The following TNFSF10 variants were observed in gnomAD, a reference collection of about 807,000 sequenced individuals.
TNFSF10 encodes tumor necrosis factor ligand superfamily member 10.
A neutral mutation model predicts 29.5 loss-of-function variants in TNFSF10; 13 were observed. The ratio of observed to expected loss-of-function variants is 0.44; its 90% CI spans 0.29 to 0.70. The LOEUF (loss-of-function observed/expected upper bound fraction) is 0.70, where lower values mean the gene tolerates loss of function less well. Among genes scored for constraint, TNFSF10 ranks in the 30% least tolerant of loss-of-function variants. The probability of loss-of-function intolerance (pLI) is 0.13; values close to 1 mark genes in which losing one functional copy is unlikely to be tolerated. For synonymous variants in TNFSF10, 111 were observed against 112.8 expected (o/e 0.98, Z 0.10); for missense variants, 345 against 330.9 (o/e 1.04, Z -0.33).
intron 1 of TNFSF10, among the ~76,000 whole-genome samples, chr3:172,515,217 G>T (rs1022508715): frequency 6.6e-6 from 1 of 151,942 alleles, no homozygotes; most frequent in African/African-American, 2.4e-5. Flanking sequence ...AAGGATGCAG[G>T]TGTGCTTCAG....
chr3:172,522,370 G>T, intron 1 of TNFSF10: 2 of 1,359,586 alleles, frequency 1.5e-6, no homozygotes, highest in Non-Finnish European at 1.0e-6. Flanking sequence ...ACAGTAACAA[G>T]GCCCTATTTA....
Position 172,523,389 on chromosome 3 carries a change from C to G in TNFSF10, c.-5G>C, listed in dbSNP as rs1713797150. On this transcript the variant is annotated 5_prime_UTR_variant, in exon 1 of 5. Coordinates refer to ENST00000241261, the MANE Select transcript of TNFSF10 (RefSeq NM_003810.4). ...CTGGACCTCCATCATAGCCATGATC[C>G]TGTCAGAGTCTGACTGCTGTAAGTC... 6.2e-7 allele frequency: 1 copy of G among 1,610,186 alleles called. No individual in the cohort carries two copies. The highest frequency in any genetic ancestry group is 1.1e-5 in the South Asian group (1 of 90,856).
At chr3:172,522,445 TA>T in intron 1 of TNFSF10, 1 of 1,485,536 alleles carries the variant, frequency 6.7e-7, no homozygotes. Context: ...AAAGAAATTT[TA>T]TCATTCACCA....
intron 1 of TNFSF10, chr3:172,518,431 C>T (rs1713534833): frequency 1.6e-6 from 2 of 1,289,294 alleles, no homozygotes; most frequent in Non-Finnish European, 2.0e-6. Flanking sequence ...TGTCTGCTGC[C>T]CAGACATTAG....
intron 2 of TNFSF10, among the ~76,000 whole-genome samples, chr3:172,513,839 T>C (rs1713326172): frequency 1.3e-5 from 2 of 152,078 alleles, no homozygotes; most frequent in South Asian, 4.2e-4. Context: ...AAGCAATTTT[T>C]TTTTTTTTTT....
At position 172,514,887 on chromosome 3, in the gene TNFSF10, A is replaced by G; in HGVS notation, c.244T>C (p.Trp82Arg). The change falls in exon 2 of 5, where the codon TGG (tryptophan) becomes CGG (arginine). Residue 82 changes from tryptophan to arginine, a missense_variant. By Grantham distance (101) the Trp-to-Arg change is moderately radical (BLOSUM62 -3). Coordinates refer to ENST00000241261, the MANE Select transcript of TNFSF10 (RefSeq NM_003810.4). ...TTTCTAACGAGCTGACGGAGTTGCCACTTGACTTGCCAGCAGGGGCTGTTC... is the reference window on the plus strand; with the variant it reads ...TTTCTAACGAGCTGACGGAGTTGCCGCTTGACTTGCCAGCAGGGGCTGTTC... ...SMNSPCWQVK[W>R]QLRQLVRKMI... The G allele has an allele frequency of 6.2e-7, 1 of 1,614,216 alleles. No homozygotes were observed. Among genetic ancestry groups the G allele is most frequent in the Non-Finnish European group, 8.5e-7 (1 of 1,180,026 alleles).
At chr3:172,517,067 G>A (rs1179853888) in intron 1 of TNFSF10, among the ~76,000 whole-genome samples, 4 of 152,230 alleles carry the variant, frequency 2.6e-5, no homozygotes, top group East Asian at 3.8e-4. Flanking sequence ...ACAGAAAGGA[G>A]GGAGCGGTAT....
intron 1 of TNFSF10, chr3:172,522,503 C>T: frequency 1.1e-6 from 1 of 950,780 alleles, no homozygotes; most frequent in Non-Finnish European, 1.6e-6. Context: ...AAACCTGCTG[C>T]ACATTGGACT....
At chr3:172,518,292 A>G (rs1035773795) in intron 1 of TNFSF10, 3 of 1,179,086 alleles carry the variant, frequency 2.5e-6, no homozygotes, top group Non-Finnish European at 3.2e-6. Context: ...GTGGATTTCC[A>G]TGGTGACTGC....
At position 172,514,994 on chromosome 3, in the gene TNFSF10, T is replaced by C; in HGVS notation, c.137A>G (p.Gln46Arg). The change falls in exon 2 of 5, where the codon CAG (glutamine) becomes CGG (arginine). Residue 46 changes from glutamine (Q) to arginine (R), a missense_variant. Transcript: ENST00000241261. The stretch of plus-strand genomic sequence containing the variant: ...AATGCCACTTTTGGAGTACTTGTCC[T>C]GCATCTGGGTTGAGATGGAATATAA... ...VYFTNELKQM[Q>R]DKYSKSGIAC... is the part of the protein sequence containing the mutation. The C allele has an allele frequency of 6.2e-7, 1 of 1,614,126 alleles. No homozygotes were observed. Among genetic ancestry groups the C allele is most frequent in the Non-Finnish European group, 8.5e-7 (1 of 1,180,006 alleles).
chr3:172,512,056 GTGTGTA>G (rs1713246865), intron 2 of TNFSF10, among the ~76,000 whole-genome samples: 1 of 152,188 alleles, frequency 6.6e-6, no homozygotes, highest in Admixed American at 6.5e-5. Flanking sequence ...TCATGTGTGT[GTGTGTA>G]TAAGTGCACT....
At position 172,506,267 on chromosome 3, in the gene TNFSF10, T is replaced by G; in HGVS notation, c.*225A>C. 1 of 494,760 alleles carries G rather than the reference T, an allele frequency of 2.0e-6. No homozygotes were observed. 30.6% of individuals were successfully genotyped at this position (494,760 alleles called of 1,614,324 possible). A position where few individuals can be genotyped will look rare whatever the true frequency, so the allele number is the denominator to read the frequency against. Reference sequence around the variant, plus strand: ...TGATATGAGGTAGAGTCCTGAAAGATCTTTCAGCAATTTCATTCTCTTGGG... The same window carrying G: ...TGATATGAGGTAGAGTCCTGAAAGAGCTTTCAGCAATTTCATTCTCTTGGG... On this transcript the variant is annotated 3_prime_UTR_variant, in exon 5 of 5. Coordinates refer to ENST00000241261, the MANE Select transcript of TNFSF10 (RefSeq NM_003810.4).
Position 172,506,810 on chromosome 3 carries a change from G to A in TNFSF10, c.528C>T (p.Ile176=), listed in dbSNP as rs758453946. 6.2e-7 allele frequency: 1 copy of A among 1,614,042 alleles called. No individual in the cohort carries two copies. Among genetic ancestry groups the A allele is most frequent in the South Asian group, 1.1e-5 (1 of 91,080 alleles). The part of the protein sequence containing the change: ...NLHLRNGELV[I]HEKGFYYIYS... ...AGATGTAGTAAAACCCTTTTTCATG[G>A]ATGACCAGTTCACCATTCCTCAAGT... is the stretch of plus-strand genomic sequence containing the variant. Residue 176 remains isoleucine, a synonymous_variant, in exon 5 of 5, where the codon ATC becomes ATT. Transcript: ENST00000241261.
intron 1 of TNFSF10, chr3:172,522,535 G>A (rs545604618): frequency 5.3e-5 from 33 of 622,714 alleles, no homozygotes; most frequent in South Asian, 4.8e-4. Context: ...CTGAACCAAC[G>A]GTAATTGAGG....
intron 1 of TNFSF10, among the ~76,000 whole-genome samples, chr3:172,515,614 C>T (rs1245084188): frequency 6.6e-6 from 1 of 152,156 alleles, no homozygotes; most frequent in Non-Finnish European, 1.5e-5. Context: ...TAAATGTTTA[C>T]ACTAACTAGG....
chr3:172,511,824 G>A lies in TNFSF10; in HGVS notation c.271-165C>T, dbSNP rs55762319. Among the ~76,000 whole-genome samples the A allele has an allele frequency of 2.7e-3, 406 of 152,308 alleles. 3 individuals carry two copies. The highest frequency in any genetic ancestry group is 0.01 in the Middle Eastern group (3 of 294). On this transcript the variant is annotated intron_variant, in intron 2 of 4. Transcript: ENST00000241261. ...GCATAGGGTCTGTAAGGGGTGGGGT[G>A]GGAGCTGGGATAAATATTGAGATAG...
intron 3 of TNFSF10, among the ~76,000 whole-genome samples, chr3:172,509,851 C>A (rs1013610695): frequency 6.6e-6 from 1 of 151,718 alleles, no homozygotes; most frequent in Non-Finnish European, 1.5e-5. Flanking sequence ...TGGTGGCAGG[C>A]ACCTATAGTC....
chr3:172,522,000 C>T (rs942480279), intron 1 of TNFSF10, among the ~76,000 whole-genome samples: 21 of 151,724 alleles, frequency 1.4e-4, no homozygotes, highest in African/African-American at 4.6e-4. Context: ...ACAGTGAGAG[C>T]ACATGGACAC....
intron 1 of TNFSF10, 147 bp downstream of exon 1, chr3:172,523,106 G>C: frequency 2.0e-6 from 2 of 998,342 alleles, no homozygotes; most frequent in Non-Finnish European, 2.7e-6. Context: ...AAAGACCTCA[G>C]TTGTTATGTG....
Sources: allele counts gnomAD v4.1 joint callset (sites outside exome capture counted in the v4.1 genomes callset), GRCh38; gene constraint gnomAD v4.1.1; transcripts MANE v1.5; gene names NCBI Gene and HGNC (gene_info 2026-07-23, HGNC 2026-07-21).